The following PIK3R6 variants were observed in gnomAD, a reference collection of about 807,000 sequenced individuals.
The protein encoded by PIK3R6 is phosphoinositide 3-kinase regulatory subunit 6.
A neutral mutation model predicts 84.9 loss-of-function variants in PIK3R6; 91 were observed. The observed-to-expected ratio is 1.07, with a 90% CI of 0.90 to 1.28. The LOEUF (loss-of-function observed/expected upper bound fraction) is 1.28, where lower values mean the gene tolerates loss of function less well. PIK3R6 is among the 50% of genes most tolerant of loss of function. The pLI is 0.00. For missense variants in PIK3R6, 996 were observed against 985.1 expected, an observed-to-expected ratio of 1.01 and a Z score of -0.15; for synonymous variants, 416 against 411.4, an observed-to-expected ratio of 1.01 and a Z score of -0.13.
intron 14 of PIK3R6, 109 bp downstream of exon 14, chr17:8,823,278 G>A (rs768852587): frequency 4.9e-4 from 430 of 869,028 alleles, no homozygotes; most frequent in African/African-American, 5.0e-4. Flanking sequence ...AACCAAGAGC[G>A]TCTGGGTGTG....
At chr17:8,857,462 C>T (rs1827044181) in intron 1 of PIK3R6, among the ~76,000 whole-genome samples, 1 of 140,446 alleles carries the variant, frequency 7.1e-6, no homozygotes, top group South Asian at 2.1e-4. Flanking sequence ...CACAGAACCC[C>T]CCTCTGTCTT....
At chr17:8,813,943 T>C (rs1410575142) in intron 18 of PIK3R6, among the ~76,000 whole-genome samples, 1 of 152,052 alleles carries the variant, frequency 6.6e-6, no homozygotes, top group Non-Finnish European at 1.5e-5. Flanking sequence ...GGCATCCAAA[T>C]TGGAAAAGAG....
Position 8,829,686 on chromosome 17 carries a change from A to G in PIK3R6, c.889+20T>C. 1 of 1,548,032 alleles carries G rather than the reference A, an allele frequency of 6.5e-7. No homozygotes were observed. Among genetic ancestry groups the G allele is most frequent in the East Asian group, 2.4e-5 (1 of 40,912 alleles). ...CACAGACATATACCACTGTTTCCAG[A>G]CAGCTCCATGGGCACGTACAGAGCT... On this transcript the variant is annotated intron_variant, in intron 10 of 19. Coordinates refer to ENST00000619866, the MANE Select transcript of PIK3R6 (RefSeq NM_001010855.4).
chr17:8,860,758 C>T (rs1260902090), intron 1 of PIK3R6, among the ~76,000 whole-genome samples: 1 of 152,124 alleles, frequency 6.6e-6, no homozygotes, highest in East Asian at 1.9e-4. Context: ...CATGCAGCTT[C>T]CCTGTAGAAG....
In PIK3R6 at chr17:8,839,552, A is replaced by C; in HGVS notation, c.97+62T>G. On this transcript the variant is annotated intron_variant, in intron 3 of 19. Transcript: ENST00000619866. This position sits in a 1 kb window ranked among gnomAD's most constrained non-coding sequence, Gnocchi z 4.2. ...GGGGCTCTTTCCTGTATGCGCGTGT[A>C]TTGTTGGCTGGGGTTGGGTGGAGGT... The C allele has an allele frequency of 7.3e-7, 1 of 1,373,396 alleles. No homozygotes were observed. The highest frequency in any genetic ancestry group is 1.0e-6 in the Non-Finnish European group (1 of 993,290). The allele number at this position is 1,373,396 out of a possible 1,614,324, so 85.1% of individuals were successfully genotyped here.
intron 7 of PIK3R6, 42 bp downstream of exon 7, chr17:8,836,505 T>A (rs1041912382): frequency 6.2e-7 from 1 of 1,606,080 alleles, no homozygotes; most frequent in Non-Finnish European, 8.5e-7. Context: ...GCCACAACAG[T>A]TTTAGGAGGC....
rs765187709 is a variant in PIK3R6, at chr17:8,803,406, T to C, written c.2132A>G (p.Glu711Gly). The change falls in exon 20 of 20, where the codon GAA becomes GGA. Residue 711 changes from glutamate (E) to glycine (G), a missense_variant. Physicochemically the swap from Glu to Gly is moderately conservative, Grantham distance 98. Coordinates refer to ENST00000619866, the MANE Select transcript of PIK3R6 (RefSeq NM_001010855.4). The surrounding 1 kb of genome is among the most constrained non-coding windows in gnomAD (Gnocchi z 5.0). ...GGACTTCTGGGCCCCAGAACATGGT[T>C]CTGGGCAGGGAGCAACCTCGAATCT... Reference protein sequence around the residue: ...VVRFEVAPCPEPCSGAQKSKA... With the variant: ...VVRFEVAPCPGPCSGAQKSKA... The C allele has an allele frequency of 4.3e-6, 7 of 1,610,918 alleles. No homozygotes were observed. Among genetic ancestry groups the C allele is most frequent in the Non-Finnish European group, 5.9e-6 (7 of 1,178,536 alleles).
intron 9 of PIK3R6, among the ~76,000 whole-genome samples, chr17:8,831,855 C>T (rs1011080840): frequency 6.6e-6 from 1 of 152,200 alleles, no homozygotes; most frequent in Admixed American, 6.5e-5. Flanking sequence ...AGCCAGGAAA[C>T]ACATATTCGG....
rs3848439 is a variant in PIK3R6 at position 8,829,646 on chromosome 17, G to A, written c.889+60C>T. The A allele has an allele frequency of 1.4e-5, 21 of 1,464,728 alleles. No homozygotes were observed. In the Admixed American group the frequency reaches 2.2e-4, roughly 15 times the overall value. The allele number at this position is 1,464,728 out of a possible 1,614,324, so 90.7% of individuals were successfully genotyped here. A position where few individuals can be genotyped will look rare whatever the true frequency, so the allele number is the denominator to read the frequency against. ...TGCACACTGACACACACTCATGCACGCATACACACACAGACACAGACATAT... is the reference window on the plus strand; with the variant it reads ...TGCACACTGACACACACTCATGCACACATACACACACAGACACAGACATAT... On this transcript the variant is annotated intron_variant, in intron 10 of 19. Transcript: ENST00000619866.
chr17:8,853,372 C>T (rs1328865826), intron 1 of PIK3R6, among the ~76,000 whole-genome samples: 1 of 150,362 alleles, frequency 6.7e-6, no homozygotes, highest in Admixed American at 6.6e-5. Context: ...GTAGTCCCAG[C>T]TACTCGGGAG....
intron 18 of PIK3R6, among the ~76,000 whole-genome samples, chr17:8,818,688 G>T (rs576713706): frequency 3.9e-5 from 6 of 152,154 alleles, no homozygotes; most frequent in Admixed American, 6.5e-5. Flanking sequence ...AAGGCTAAAG[G>T]GCAAAGGGTA....
chr17:8,819,929 A>T (rs1242224063), intron 17 of PIK3R6, among the ~76,000 whole-genome samples: 1 of 120,140 alleles, frequency 8.3e-6, no homozygotes, highest in East Asian at 2.5e-4. Flanking sequence ...TTTTATATAT[A>T]TATATATATT....
Position 8,804,050 on chromosome 17 carries a change from T to A in PIK3R6, c.2099A>T (p.Asp700Val), listed in dbSNP as rs761269394. Reference sequence around the variant, plus strand: ...GCAGGCCCAGCCTCACCTGACCACATCCCTGAAAGTGCGTTGATCGTCCTT... The same window carrying A: ...GCAGGCCCAGCCTCACCTGACCACAACCCTGAAAGTGCGTTGATCGTCCTT... ...LDKDDQRTFR[D>V]VVRFEVAPCP... is the part of the protein sequence containing the mutation. Residue 700 changes from aspartate (D) to valine (V), a missense_variant, in exon 19 of 20, where the codon GAT becomes GTT. Physicochemically the swap from Asp to Val is radical, Grantham distance 152. Transcript: ENST00000619866. 6.2e-7 allele frequency: 1 copy of A among 1,613,686 alleles called. No homozygotes were observed. Among genetic ancestry groups the A allele is most frequent in the East Asian group, 2.2e-5 (1 of 44,884 alleles).
intron 1 of PIK3R6, among the ~76,000 whole-genome samples, chr17:8,863,918 C>T (rs889099763): frequency 7.2e-5 from 11 of 152,144 alleles, no homozygotes; most frequent in South Asian, 2.1e-4. Flanking sequence ...GCAAGCCATG[C>T]GGTATCTGCA....
rs1034809749 is a variant in PIK3R6, at chr17:8,862,588, G to A, written c.-92+4941C>T. ...GGGGGTGGCTGATCTTTCTCGGGCC[G>A]TATCACGGACAGCTAAGGCTGCAAT... is the stretch of plus-strand genomic sequence containing the variant. On this transcript the variant is annotated intron_variant, in intron 1 of 19. Transcript: ENST00000619866. The surrounding 1 kb of genome is among the most constrained non-coding windows in gnomAD (Gnocchi z 4.3). Among the ~76,000 whole-genome samples the A allele has an allele frequency of 5.3e-5, 8 of 152,252 alleles. No individual in the cohort carries two copies. Among genetic ancestry groups the A allele is most frequent in the East Asian group, 3.9e-4 (2 of 5,188 alleles).
chr17:8,836,446 C>G, intron 7 of PIK3R6, 101 bp downstream of exon 7: 1 of 1,317,466 alleles, frequency 7.6e-7, no homozygotes, highest in Non-Finnish European at 1.1e-6. Context: ...TAGGGCTCTT[C>G]TTAATCCAGC....
chr17:8,827,759 GAGAGGAGAGAGAGAGAGAGAGAGAGA>G (rs1343689701), intron 12 of PIK3R6, among the ~76,000 whole-genome samples: 1 of 73,308 alleles, frequency 1.4e-5, no homozygotes, highest in African/African-American at 7.2e-5. Context: ...GAGAGAGAGA[GAGAGGAGAGAGAGAGAGAGAGAGAGA>G]GAGAGAGAGA....
intron 1 of PIK3R6, among the ~76,000 whole-genome samples, chr17:8,864,049 A>G (rs931183810): frequency 6.6e-6 from 1 of 152,160 alleles, no homozygotes; most frequent in African/African-American, 2.4e-5. Flanking sequence ...TTGGGAGACA[A>G]TTCTCCATAG....
chr17:8,817,894 G>A (rs2087593446), intron 18 of PIK3R6, among the ~76,000 whole-genome samples: 1 of 151,644 alleles, frequency 6.6e-6, no homozygotes, highest in African/African-American at 2.4e-5. Context: ...AGGTAGTTGG[G>A]TCATGGCAGA....
Sources: allele counts gnomAD v4.1 joint callset (sites outside exome capture counted in the v4.1 genomes callset), GRCh38; gene constraint gnomAD v4.1.1; non-coding constraint Gnocchi (gnomAD v3.1); transcripts MANE v1.5; gene names NCBI Gene and HGNC (gene_info 2026-07-23, HGNC 2026-07-21).